RIPOR3: variants seen among roughly 807,000 people sequenced by gnomAD.
RIPOR3 encodes the protein family with sequence similarity 65 member C.
RIPOR3 carries 95 observed loss-of-function variants against 114.3 expected under a neutral mutation model. The ratio of observed to expected loss-of-function variants is 0.83; its 90% CI spans 0.70 to 0.99. RIPOR3 has a LOEUF of 0.99. Ranked by LOEUF, RIPOR3 falls within the 50% of genes least tolerant of loss-of-function variation. The pLI is 0.00. For synonymous variants in RIPOR3, 575 were observed against 543.8 expected (o/e 1.06, Z -0.80); for missense variants, 1,252 against 1,266.9 (o/e 0.99, Z 0.18).
At chr20:50,628,374 G>C (rs2084697648) in intron 2 of RIPOR3, among the ~76,000 whole-genome samples, 1 of 151,976 alleles carries the variant, frequency 6.6e-6, no homozygotes, top group South Asian at 2.1e-4. Context: ...GGCTCCGCAG[G>C]GTCCTCCTCC....
chr20:50,637,626 G>A (rs1283502211), intron 1 of RIPOR3, among the ~76,000 whole-genome samples: 1 of 152,138 alleles, frequency 6.6e-6, no homozygotes, highest in Non-Finnish European at 1.5e-5. Flanking sequence ...TGTAATCCCA[G>A]CACTTTGGGA....
chr20:50,611,339 C>T (rs1568857915), intron 4 of RIPOR3, 135 bp from the exon 5 acceptor site: 2 of 1,100,006 alleles, frequency 1.8e-6, no homozygotes, highest in Admixed American at 2.0e-5. Context: ...CCACCCCCAC[C>T]CACTCCTTCC....
intron 1 of RIPOR3, among the ~76,000 whole-genome samples, chr20:50,671,106 T>C (rs1455476263): frequency 6.6e-6 from 1 of 152,112 alleles, no homozygotes; most frequent in East Asian, 1.9e-4. Context: ...TTTTGTATTT[T>C]TAGTTGTTTA....
chr20:50,689,062 C>T (rs969305106), intron 1 of RIPOR3, among the ~76,000 whole-genome samples: 2 of 152,128 alleles, frequency 1.3e-5, no homozygotes, highest in African/African-American at 4.8e-5. Context: ...GCAGGTGGTA[C>T]CACAGGCCAT....
intron 1 of RIPOR3, among the ~76,000 whole-genome samples, chr20:50,659,380 C>A (rs1368772532): frequency 6.6e-6 from 1 of 152,054 alleles, no homozygotes; most frequent in Non-Finnish European, 1.5e-5. Flanking sequence ...GGTGCGGTGG[C>A]TCACAACTGT....
intron 1 of RIPOR3, among the ~76,000 whole-genome samples, chr20:50,649,340 G>A (rs904010930): frequency 6.6e-6 from 1 of 152,226 alleles, no homozygotes; most frequent in African/African-American, 2.4e-5. Flanking sequence ...AGCTACTCGG[G>A]AGGCTGAGGC....
intron 1 of RIPOR3, among the ~76,000 whole-genome samples, chr20:50,638,587 C>A (rs1380446189): frequency 6.6e-6 from 1 of 152,150 alleles, no homozygotes; most frequent in Non-Finnish European, 1.5e-5. Flanking sequence ...GGGAAAGAAG[C>A]CTTTGAGGCC....
chr20:50,646,723 A>C (rs576670032), intron 1 of RIPOR3, among the ~76,000 whole-genome samples: 18 of 152,340 alleles, frequency 1.2e-4, no homozygotes, highest in African/African-American at 4.3e-4. Context: ...GTGGCCTAAC[A>C]GCCTGAAATA....
intron 3 of RIPOR3, among the ~76,000 whole-genome samples, chr20:50,616,382 G>T (rs879420536): frequency 1.3e-5 from 2 of 152,054 alleles, no homozygotes; most frequent in Non-Finnish European, 2.9e-5. Context: ...CCCCTCTCTC[G>T]CCCAGGCTGG....
chr20:50,679,904 C>T (rs2086806043), intron 1 of RIPOR3, among the ~76,000 whole-genome samples: 1 of 152,128 alleles, frequency 6.6e-6, no homozygotes. Flanking sequence ...CTGCAGTGAG[C>T]CAAGATCACA....
In RIPOR3 at chr20:50,611,101, C is replaced by T. The variant is rs907343318; in HGVS notation, c.372+80G>A. The stretch of plus-strand genomic sequence containing the variant: ...AGACCCAGGTTTTCTGCCCATCAGG[C>T]AGCCAGGAAGATGCAATGAGGCACA... On this transcript the variant is annotated intron_variant, in intron 5 of 21. Coordinates refer to ENST00000327979, the MANE Select transcript of RIPOR3 (RefSeq NM_001290268.2). The T allele has an allele frequency of 6.2e-6, 10 of 1,607,214 alleles. No homozygotes were observed. The South Asian group carries it at 1.1e-4, about 18-fold the overall frequency.
At chr20:50,654,422 GTTTTT>G (rs34825514) in intron 1 of RIPOR3, among the ~76,000 whole-genome samples, 1 of 56,116 alleles carries the variant, frequency 1.8e-5, no homozygotes, top group African/African-American at 6.5e-5. Context: ...AGGAGGCAGA[GTTTTT>G]TTTTTTTTTT....
At chr20:50,599,530 T>C (rs1247849744) in intron 13 of RIPOR3, among the ~76,000 whole-genome samples, 1 of 152,200 alleles carries the variant, frequency 6.6e-6, no homozygotes, top group Non-Finnish European at 1.5e-5. Context: ...CTTCCTGGAC[T>C]GAGGAACACC....
intron 2 of RIPOR3, among the ~76,000 whole-genome samples, chr20:50,627,638 G>A (rs2084669150): frequency 1.3e-5 from 2 of 151,538 alleles, no homozygotes; most frequent in South Asian, 2.1e-4. Context: ...AGCCAAGATC[G>A]CGCCATTGCA....
intron 1 of RIPOR3, among the ~76,000 whole-genome samples, chr20:50,684,155 A>G (rs969796775): frequency 6.6e-6 from 1 of 152,076 alleles, no homozygotes; most frequent in African/African-American, 2.4e-5. Flanking sequence ...AAGAATATAT[A>G]TGTATGTTAG....
At chr20:50,599,580 A>G (rs1028122821) in intron 13 of RIPOR3, among the ~76,000 whole-genome samples, 6 of 152,182 alleles carry the variant, frequency 3.9e-5, no homozygotes, top group African/African-American at 1.4e-4. Flanking sequence ...GCATTTAAAC[A>G]GTGAAACTGT....
rs748469823 is a variant in RIPOR3 at position 50,596,249 on chromosome 20, A to C, written c.1805T>G (p.Leu602Arg). ...GSQGLRKDRP[L>R]PPPSSLKASS... ...CGCTTTCAGTGATGACGGTGGGGGC[A>C]GGGGCCGGTCCTTTCTGAGTTGAAT... The change falls in exon 15 of 22, where the codon CTG (leucine) becomes CGG (arginine). Residue 602 changes from leucine to arginine, a missense_variant. Physicochemically the swap from Leu to Arg is moderately radical, Grantham distance 102. Coordinates refer to ENST00000327979, the MANE Select transcript of RIPOR3 (RefSeq NM_001290268.2). 3 of 1,614,136 alleles carry C rather than the reference A, an allele frequency of 1.9e-6. No individual in the cohort carries two copies. In the South Asian group the frequency reaches 3.3e-5, roughly 18 times the overall value.
chr20:50,658,368 T>A (rs1356232322), intron 1 of RIPOR3, among the ~76,000 whole-genome samples: 1 of 152,152 alleles, frequency 6.6e-6, no homozygotes, highest in Admixed American at 6.6e-5. Flanking sequence ...TGATGTATGA[T>A]CCTTTTATAT....
At chr20:50,593,933 T>A (rs953036609) in intron 17 of RIPOR3, among the ~76,000 whole-genome samples, 2 of 151,966 alleles carry the variant, frequency 1.3e-5, no homozygotes, top group Non-Finnish European at 2.9e-5. Flanking sequence ...GTTCATTCTT[T>A]ACCCGTCAGG....
Sources: allele counts gnomAD v4.1 joint callset (sites outside exome capture counted in the v4.1 genomes callset), GRCh38; gene constraint gnomAD v4.1.1; transcripts MANE v1.5; gene names NCBI Gene and HGNC (gene_info 2026-07-23, HGNC 2026-07-21).